EGFR: variants seen among roughly 807,000 people sequenced by gnomAD.
The protein encoded by EGFR is avian erythroblastic leukemia viral (v-erb-b) oncogene homolog.
A neutral mutation model predicts 143.0 loss-of-function variants in EGFR; 58 were observed. The observed-to-expected ratio is 0.41, with a 90% CI of 0.33 to 0.50. EGFR has a LOEUF of 0.50. Ranked by LOEUF, EGFR falls within the 20% of genes least tolerant of loss-of-function variation. The pLI is 0.39. For missense variants in EGFR, 1,307 were observed against 1,579.0 expected, an observed-to-expected ratio of 0.83 and a Z score of 2.92; for synonymous variants, 613 against 594.4, an observed-to-expected ratio of 1.03 and a Z score of -0.45.
At position 55,170,671 on chromosome 7, in the gene EGFR, C is replaced by A. The variant is rs113869003; in HGVS notation, c.1881-504C>A. 412 of 1,591,558 alleles carry A rather than the reference C, an allele frequency of 2.6e-4. No homozygotes were observed. The African/African-American group carries it at 5.0e-3, about 19-fold the overall frequency. ...CCACTCCCTTTGCCAGTGCCTCTCA[C>A]CCCAACTAGTAGCTAACCATCACCC... On this transcript the variant is annotated intron_variant, in intron 15 of 27. Transcript: ENST00000275493.
chr7:55,195,336 T>A (rs1275953123), intron 22 of EGFR, among the ~76,000 whole-genome samples: 1 of 152,222 alleles, frequency 6.6e-6, no homozygotes, highest in Non-Finnish European at 1.5e-5. Flanking sequence ...TACCCAGAGA[T>A]GGGAGGGCCA....
At position 55,019,035 on chromosome 7, in the gene EGFR, C is replaced by T; in HGVS notation, c.-243C>T. On this transcript the variant is annotated 5_prime_UTR_variant, in exon 1 of 28. Coordinates refer to ENST00000275493, the MANE Select transcript of EGFR (RefSeq NM_005228.5). ...GCGAGCTAGACGTCCGGGCAGCCCC[C>T]GGCGCAGCGCGGCCGCAGCAGCCTC... 1 of 227,212 alleles carries T rather than the reference C, an allele frequency of 4.4e-6. No individual in the cohort carries two copies. 14.1% of individuals were successfully genotyped at this position (227,212 alleles called of 1,614,324 possible). A position where few individuals can be genotyped will look rare whatever the true frequency, so the allele number is the denominator to read the frequency against.
At chr7:55,091,488 G>A (rs1013370773) in intron 1 of EGFR, among the ~76,000 whole-genome samples, 1 of 152,194 alleles carries the variant, frequency 6.6e-6, no homozygotes, top group East Asian at 1.9e-4. Context: ...TTGGGTTGGG[G>A]GTGGGGCCTG....
At chr7:55,164,127 C>T (rs1785849190) in intron 14 of EGFR, among the ~76,000 whole-genome samples, 1 of 152,226 alleles carries the variant, frequency 6.6e-6, no homozygotes, top group Admixed American at 6.5e-5. Flanking sequence ...ACCTAGTCAG[C>T]ATTGCTTTAT....
chr7:55,141,337 T>C (rs1170783480), intron 1 of EGFR, among the ~76,000 whole-genome samples: 1 of 152,196 alleles, frequency 6.6e-6, no homozygotes, highest in Non-Finnish European at 1.5e-5. Flanking sequence ...CTCCTTTGCT[T>C]TTAAAAATGG....
chr7:55,116,354 G>C (rs1384753188), intron 1 of EGFR, among the ~76,000 whole-genome samples: 1 of 152,120 alleles, frequency 6.6e-6, no homozygotes, highest in Non-Finnish European at 1.5e-5. Context: ...GTTGCACCAA[G>C]CACCCCACTT....
chr7:55,172,933 T>C (rs775641231), intron 16 of EGFR, 50 bp from the exon 17 acceptor site: 3 of 1,613,862 alleles, frequency 1.9e-6, no homozygotes, highest in Non-Finnish European at 2.5e-6. Flanking sequence ...GCCAAGGCCA[T>C]GGAATCTGTC....
At chr7:55,192,281 C>G (rs915220601) in intron 21 of EGFR, among the ~76,000 whole-genome samples, 1 of 152,168 alleles carries the variant, frequency 6.6e-6, no homozygotes, top group African/African-American at 2.4e-5. Flanking sequence ...GTCTGTGGCT[C>G]GTGGCTGGGA....
chr7:55,068,430 G>A (rs1789642043), intron 1 of EGFR, among the ~76,000 whole-genome samples: 1 of 152,130 alleles, frequency 6.6e-6, no homozygotes, highest in Admixed American at 6.5e-5. Flanking sequence ...CCTTGACTAT[G>A]GTTATTTCTG....
In EGFR at chr7:55,174,011, C is replaced by T. The variant is rs995384345; in HGVS notation, c.2152C>T (p.Leu718=). The change falls in exon 18 of 28, where the codon CTG becomes TTG. Residue 718 remains leucine, a synonymous_variant. Transcript: ENST00000275493. ...AACTGAATTCAAAAAGATCAAAGTG[C>T]TGGGCTCCGGTGCGTTCGGCACGGT... ...KETEFKKIKV[L]GSGAFGTVYK... 6.2e-7 allele frequency: 1 copy of T among 1,614,238 alleles called. No homozygotes were observed. The highest frequency in any genetic ancestry group is 1.3e-5 in the African/African-American group (1 of 75,068).
At chr7:55,133,151 G>A (rs1042776959) in intron 1 of EGFR, among the ~76,000 whole-genome samples, 3 of 152,226 alleles carry the variant, frequency 2.0e-5, no homozygotes, top group African/African-American at 7.2e-5. Flanking sequence ...CCAGCGAGGT[G>A]AACTCCCGGC....
In EGFR at chr7:55,133,442, G is replaced by T. The variant is rs555734530; in HGVS notation, c.89-8844G>T. On this transcript the variant is annotated intron_variant, in intron 1 of 27. Transcript: ENST00000275493. ...GGACGTGAAGTCAGAGGGGAAGGGA[G>T]GTAGCACAGGGCAGTCTTGACTTTG... Among the ~76,000 whole-genome samples the T allele has an allele frequency of 2.0e-5, 3 of 152,316 alleles. No homozygotes were observed. The East Asian group carries it at 5.8e-4, about 29-fold the overall frequency.
At chr7:55,201,609 A>G (rs1405665095) in intron 25 of EGFR, 126 bp from the exon 26 acceptor site, 20 of 1,320,122 alleles carry the variant, frequency 1.5e-5, no homozygotes, top group Non-Finnish European at 2.1e-5. Context: ...TCTAAAACTA[A>G]CGATTAAGAC....
intron 1 of EGFR, among the ~76,000 whole-genome samples, chr7:55,079,967 C>T (rs1460076595): frequency 6.6e-6 from 1 of 152,202 alleles, no homozygotes; most frequent in African/African-American, 2.4e-5. Context: ...CAACCTCTTA[C>T]CAGGCTCTTT....
chr7:55,192,723 A>G, intron 21 of EGFR, 43 bp from the exon 22 acceptor site: 1 of 1,571,254 alleles, frequency 6.4e-7, no homozygotes. Context: ...CAACAGAGGG[A>G]AACTAATAGT....
chr7:55,173,508 G>A (rs1000486668), intron 17 of EGFR, among the ~76,000 whole-genome samples: 7 of 152,308 alleles, frequency 4.6e-5, no homozygotes, highest in African/African-American at 1.4e-4. Flanking sequence ...GATGGACTTC[G>A]CCACAGCCCA....
intron 1 of EGFR, among the ~76,000 whole-genome samples, chr7:55,110,541 T>A (rs1420253704): frequency 6.6e-6 from 1 of 152,196 alleles, no homozygotes; most frequent in Admixed American, 6.5e-5. Context: ...TTTCCCATGT[T>A]AAATGTCTTA....
At chr7:55,144,905 A>T (rs572395052) in intron 3 of EGFR, among the ~76,000 whole-genome samples, 9 of 152,342 alleles carry the variant, frequency 5.9e-5, no homozygotes, top group African/African-American at 2.2e-4. Context: ...CTGCTAAAAA[A>T]TGGTGACATA....
intron 15 of EGFR, among the ~76,000 whole-genome samples, chr7:55,168,322 C>T (rs1441086389): frequency 1.3e-5 from 2 of 152,182 alleles, no homozygotes; most frequent in East Asian, 3.8e-4. Context: ...GCATCAATAT[C>T]TCTATATCAG....
Sources: allele counts gnomAD v4.1 joint callset (sites outside exome capture counted in the v4.1 genomes callset), GRCh38; gene constraint gnomAD v4.1.1; transcripts MANE v1.5; gene names NCBI Gene and HGNC (gene_info 2026-07-23, HGNC 2026-07-21).